TOLLIP: variants seen among roughly 807,000 people sequenced by gnomAD.
TOLLIP encodes the protein toll interacting protein.
A neutral mutation model predicts 33.5 loss-of-function variants in TOLLIP; 16 were observed. The ratio of observed to expected loss-of-function variants is 0.48; its 90% CI spans 0.32 to 0.72. The LOEUF (loss-of-function observed/expected upper bound fraction) is 0.72. Ranked by LOEUF, TOLLIP falls within the 30% of genes least tolerant of loss-of-function variation. TOLLIP has a pLI of 0.03. For missense variants in TOLLIP, 325 were observed against 396.6 expected, an observed-to-expected ratio of 0.82 and a Z score of 1.53; for synonymous variants, 176 against 163.7, an observed-to-expected ratio of 1.07 and a Z score of -0.57.
intron 1 of TOLLIP, among the ~76,000 whole-genome samples, chr11:1,301,448 C>T (rs150415585): frequency 2.9e-5 from 4 of 138,760 alleles, no homozygotes; most frequent in Non-Finnish European, 6.2e-5. Context: ...GCACATGTGT[C>T]GCGGGCTTCC....
chr11:1,301,046 C>T (rs1429592706), intron 1 of TOLLIP, among the ~76,000 whole-genome samples: 3 of 152,236 alleles, frequency 2.0e-5, no homozygotes, highest in East Asian at 1.9e-4. Context: ...CTAAGTCGAA[C>T]GAAGTTCAAT....
chr11:1,276,882 C>G lies in TOLLIP; in HGVS notation c.*157G>C. On this transcript the variant is annotated 3_prime_UTR_variant, in exon 6 of 6. Transcript: ENST00000317204. ...CCGCCAGGAACCGAAAACCCACATG[C>G]ACCCAAGAACAGGTGTGGACGGGGC... 6.5e-7 allele frequency: 1 copy of G among 1,546,950 alleles called. No homozygotes were observed. Among genetic ancestry groups the G allele is most frequent in the African/African-American group, 1.4e-5 (1 of 73,596 alleles).
intron 4 of TOLLIP, among the ~76,000 whole-genome samples, chr11:1,288,005 G>A (rs974611890): frequency 6.6e-5 from 10 of 152,110 alleles, no homozygotes; most frequent in South Asian, 6.2e-4. Flanking sequence ...CAGACGAGAC[G>A]GCAGGAGCTC....
intron 3 of TOLLIP, 26 bp from the exon 4 acceptor site, chr11:1,288,802 C>T: frequency 6.2e-7 from 1 of 1,605,480 alleles, no homozygotes; most frequent in African/African-American, 1.3e-5. Flanking sequence ...GGGAGAGGCC[C>T]CAGGCATCAG....
chr11:1,307,280 T>C (rs1864444996), intron 1 of TOLLIP, among the ~76,000 whole-genome samples: 1 of 152,148 alleles, frequency 6.6e-6, no homozygotes, highest in Non-Finnish European at 1.5e-5. Context: ...GCCCCTGAAA[T>C]ACCTGCTCGT....
intron 5 of TOLLIP, among the ~76,000 whole-genome samples, chr11:1,284,155 C>T (rs939404777): frequency 6.6e-6 from 1 of 152,204 alleles, no homozygotes; most frequent in Non-Finnish European, 1.5e-5. Context: ...GGCTCAGGAA[C>T]AGCTGTGGGG....
Position 1,277,111 on chromosome 11 carries a change from G to C in TOLLIP, c.753C>G (p.Ser251=). 1.9e-6 allele frequency: 3 copies of C among 1,614,144 alleles called. No homozygotes were observed. Among genetic ancestry groups the C allele is most frequent in the Non-Finnish European group, 2.5e-6 (3 of 1,180,024 alleles). ...FPNMDQEVIR[S]VLEAQRGNKD... is the part of the protein sequence containing the mutation. ...TGTTCCCTCGCTGGGCTTCCAGCAC[G>C]GAGCGGATCACCTCCTGGTCCATGT... Residue 251 remains serine, a synonymous_variant, in exon 6 of 6, where the codon TCC becomes TCG. Transcript: ENST00000317204. This position sits in a 1 kb window ranked among gnomAD's most constrained non-coding sequence, Gnocchi z 4.2.
chr11:1,302,221 C>T (rs1252643589), intron 1 of TOLLIP, among the ~76,000 whole-genome samples: 3 of 152,254 alleles, frequency 2.0e-5, no homozygotes, highest in African/African-American at 2.4e-5. Flanking sequence ...CAGATCCGGG[C>T]GTGCAAGAGG....
rs1289218823 is a variant in TOLLIP, at chr11:1,303,358, T to C, written c.33+6108A>G. Among the ~76,000 whole-genome samples the C allele has an allele frequency of 6.6e-6, 1 of 152,072 alleles. No homozygotes were observed. The highest frequency in any genetic ancestry group is 1.5e-5 in the Non-Finnish European group (1 of 68,006). Reference sequence around the variant, plus strand: ...ATCCAGAGAGGGACGGCATGTGACGTGGCAGGCCCTGGGCGCCGGGCACAG... The same window carrying C: ...ATCCAGAGAGGGACGGCATGTGACGCGGCAGGCCCTGGGCGCCGGGCACAG... On this transcript the variant is annotated intron_variant, in intron 1 of 5. Transcript: ENST00000317204. The surrounding 1 kb of genome is among the most constrained non-coding windows in gnomAD (Gnocchi z 4.2).
In TOLLIP at chr11:1,276,089, G is replaced by A. The variant is rs5744026; in HGVS notation, c.*950C>T. 0.021 allele frequency: 3,264 copies of A among 152,382 alleles called. 48 individuals are homozygous for A. The highest frequency in any genetic ancestry group is 0.03 in the Non-Finnish European group (2,064 of 68,070). 9.4% of individuals were successfully genotyped at this position (152,382 alleles called of 1,614,324 possible). On this transcript the variant is annotated 3_prime_UTR_variant, in exon 6 of 6. Transcript: ENST00000317204. Reference sequence around the variant, plus strand: ...AGAAAGCTTTTACAGGGCCACGCTCGCCAGGCTTTCCTCGCCCACGCTGAA... The same window carrying A: ...AGAAAGCTTTTACAGGGCCACGCTCACCAGGCTTTCCTCGCCCACGCTGAA...
intron 4 of TOLLIP, 149 bp from the exon 5 acceptor site, chr11:1,286,241 CCT>C: frequency 3.2e-6 from 2 of 632,856 alleles, no homozygotes; most frequent in Non-Finnish European, 2.8e-6. Context: ...CTACACGAGC[CCT>C]GAGTGCACAG....
rs1024668827 is a variant in TOLLIP at position 1,290,627 on chromosome 11, C to T, written c.184-218G>A. Among the ~76,000 whole-genome samples the T allele has an allele frequency of 2.0e-5, 3 of 152,136 alleles. No homozygotes were observed. Among genetic ancestry groups the T allele is most frequent in the East Asian group, 1.9e-4 (1 of 5,192 alleles). On this transcript the variant is annotated intron_variant, in intron 2 of 5. Coordinates refer to ENST00000317204, the MANE Select transcript of TOLLIP (RefSeq NM_019009.4). The surrounding 1 kb of genome is among the most constrained non-coding windows in gnomAD (Gnocchi z 4.9). ...TGGATCGTGCAGTTCTGAGACAAAGCACGTGGCTCGTCCTTGACAGCAGAA... is the reference window on the plus strand; with the variant it reads ...TGGATCGTGCAGTTCTGAGACAAAGTACGTGGCTCGTCCTTGACAGCAGAA...
At chr11:1,284,773 C>T (rs969180955) in intron 5 of TOLLIP, among the ~76,000 whole-genome samples, 4 of 152,218 alleles carry the variant, frequency 2.6e-5, no homozygotes, top group Admixed American at 2.6e-4. Flanking sequence ...GAAACAGAGT[C>T]TATAATGTGA....
intron 1 of TOLLIP, chr11:1,298,196 T>A (rs1864166745): frequency 1.3e-5 from 2 of 152,336 alleles, no homozygotes. Flanking sequence ...GTGTGCCACA[T>A]GCACAGCTCT....
chr11:1,276,896 T>C lies in TOLLIP; in HGVS notation c.*143A>G. Reference sequence around the variant, plus strand: ...AAACCCACATGCACCCAAGAACAGGTGTGGACGGGGCGGCACAGAAGTCCA... The same window carrying C: ...AAACCCACATGCACCCAAGAACAGGCGTGGACGGGGCGGCACAGAAGTCCA... On this transcript the variant is annotated 3_prime_UTR_variant, in exon 6 of 6. Coordinates refer to ENST00000317204, the MANE Select transcript of TOLLIP (RefSeq NM_019009.4). The C allele has an allele frequency of 1.3e-6, 2 of 1,557,024 alleles. No individual in the cohort carries two copies. Among genetic ancestry groups the C allele is most frequent in the East Asian group, 2.4e-5 (1 of 42,370 alleles).
In TOLLIP at chr11:1,277,158, C is replaced by T; in HGVS notation, c.706G>A (p.Ala236Thr). The T allele has an allele frequency of 6.2e-7, 1 of 1,613,026 alleles. No individual in the cohort carries two copies. Among genetic ancestry groups the T allele is most frequent in the Non-Finnish European group, 8.5e-7 (1 of 1,179,110 alleles). ...ATGTTGGGGAACATGTCCTGGATGG[C>T]TTTCAGGTCCTCCTCGCTACAGCGG... is the stretch of plus-strand genomic sequence containing the variant. Reference protein sequence around the residue: ...QPRCSEEDLKAIQDMFPNMDQ... With the variant: ...QPRCSEEDLKTIQDMFPNMDQ... The change falls in exon 6 of 6, where the codon GCC becomes ACC. Residue 236 changes from alanine to threonine, a missense_variant. Ala to Thr is a moderately conservative substitution (Grantham distance 58). Coordinates refer to ENST00000317204, the MANE Select transcript of TOLLIP (RefSeq NM_019009.4). This position sits in a 1 kb window ranked among gnomAD's most constrained non-coding sequence, Gnocchi z 4.2.
intron 2 of TOLLIP, among the ~76,000 whole-genome samples, chr11:1,295,212 G>A (rs1221594604): frequency 2.6e-5 from 4 of 152,236 alleles, no homozygotes; most frequent in Non-Finnish European, 4.4e-5. Context: ...ACCACGGGCC[G>A]GCCCCGAGGC....
intron 2 of TOLLIP, among the ~76,000 whole-genome samples, chr11:1,294,275 T>C (rs1287916668): frequency 1.9e-5 from 2 of 105,580 alleles, no homozygotes; most frequent in East Asian, 3.0e-4. Context: ...CTCCTTTCCC[T>C]GCATTTCTAC....
intron 5 of TOLLIP, among the ~76,000 whole-genome samples, chr11:1,281,047 C>T (rs5743998): frequency 0.02 from 2,993 of 152,330 alleles, 85 homozygotes; most frequent in African/African-American, 0.068. Context: ...CATGAGGCCA[C>T]GCGGTCTCCA....
Sources: gnomAD v4.1 joint callset for allele counts (sites outside exome capture counted in the v4.1 genomes callset) on GRCh38, gnomAD v4.1.1 for gene constraint, Gnocchi (gnomAD v3.1) non-coding constraint, MANE v1.5 for transcripts, NCBI Gene and HGNC (gene_info 2026-07-23, HGNC 2026-07-21) for gene names.